Variants in CSMD3 observed in about 807,000 individuals in gnomAD.
CSMD3 encodes CUB and Sushi multiple domains 3.
CSMD3 carries 177 observed loss-of-function variants against 435.2 expected under a neutral mutation model. The ratio of observed to expected loss-of-function variants is 0.41; its 90% CI spans 0.36 to 0.46. The LOEUF (loss-of-function observed/expected upper bound fraction) is 0.46. Ranked by LOEUF, CSMD3 falls within the 20% of genes least tolerant of loss-of-function variation. The pLI is 0.34. For missense variants in CSMD3, 4,265 were observed against 4,504.6 expected (o/e 0.95, Z 1.52); for synonymous variants, 1,656 against 1,520.5 (o/e 1.09, Z -2.07).
chr8:112,545,761 A>G (rs1195645304), intron 27 of CSMD3, among the ~76,000 whole-genome samples: 1 of 152,108 alleles, frequency 6.6e-6, no homozygotes, highest in Non-Finnish European at 1.5e-5. Context: ...ATAATTACTG[A>G]GCACTGCAAA....
chr8:112,503,669 T>G (rs766988880), intron 30 of CSMD3, 121 bp downstream of exon 30: 3 of 678,688 alleles, frequency 4.4e-6, no homozygotes, highest in Non-Finnish European at 7.4e-6. Context: ...GAACTGTACA[T>G]AATCTGCATT....
At chr8:113,385,922 T>A (rs1197386647) in intron 1 of CSMD3, among the ~76,000 whole-genome samples, 1 of 152,092 alleles carries the variant, frequency 6.6e-6, no homozygotes, top group Admixed American at 6.6e-5. Context: ...GTCATTTTTA[T>A]ATGAAAATTA....
intron 10 of CSMD3, among the ~76,000 whole-genome samples, chr8:112,898,897 A>T (rs1044714847): frequency 1.8e-4 from 28 of 151,364 alleles, no homozygotes; most frequent in African/African-American, 5.1e-4. Flanking sequence ...CATAAAATTG[A>T]AACTTTGGTT....
intron 3 of CSMD3, among the ~76,000 whole-genome samples, chr8:113,195,585 T>A (rs2092642168): frequency 6.6e-6 from 1 of 150,402 alleles, no homozygotes; most frequent in African/African-American, 2.4e-5. Context: ...TTAACTCTAA[T>A]TTTGGGGATT....
intron 42 of CSMD3, 75 bp from the exon 43 acceptor site, chr8:112,337,806 T>C: frequency 8.7e-7 from 1 of 1,145,120 alleles, no homozygotes. Context: ...ACAGCAATTT[T>C]GCAACTTAAA....
intron 23 of CSMD3, among the ~76,000 whole-genome samples, chr8:112,585,242 T>G (rs1189767541): frequency 6.6e-6 from 1 of 151,626 alleles, no homozygotes; most frequent in Admixed American, 6.6e-5. Context: ...AATTGGTGTG[T>G]TTCTATTATA....
chr8:112,263,775 T>G lies in CSMD3; in HGVS notation c.9726A>C (p.Gly3242=). 1 of 1,613,868 alleles carries G rather than the reference T, an allele frequency of 6.2e-7. No homozygotes were observed. The highest frequency in any genetic ancestry group is 8.5e-7 in the Non-Finnish European group (1 of 1,179,808). Reference sequence around the variant, plus strand: ...AGTCGAAATTTGTTCCTTCCAGCCTTCCATTAGAGATCTGGGGAGGAGTTG... The same window carrying G: ...AGTCGAAATTTGTTCCTTCCAGCCTGCCATTAGAGATCTGGGGAGGAGTTG... ...TCPTPPQISN[G]RLEGTNFDWG... is the part of the protein sequence containing the mutation. Residue 3242 remains glycine (G), a synonymous_variant, in exon 61 of 71, where the codon GGA becomes GGC. Coordinates refer to ENST00000297405, the MANE Select transcript of CSMD3 (RefSeq NM_198123.2).
chr8:112,923,502 T>G (rs2082811222), intron 9 of CSMD3, among the ~76,000 whole-genome samples: 1 of 152,140 alleles, frequency 6.6e-6, no homozygotes, highest in African/African-American at 2.4e-5. Context: ...CACTTGCTGT[T>G]ATATCAATCT....
chr8:113,336,237 C>T (rs975005925), intron 1 of CSMD3, among the ~76,000 whole-genome samples: 5 of 151,144 alleles, frequency 3.3e-5, no homozygotes, highest in African/African-American at 7.3e-5. Flanking sequence ...ACTTATTATA[C>T]TTTTCGTAGA....
intron 19 of CSMD3, among the ~76,000 whole-genome samples, chr8:112,647,938 ATATGGTAAAAAC>A (rs1449326982): frequency 2.0e-5 from 3 of 152,340 alleles, no homozygotes; most frequent in Non-Finnish European, 4.4e-5. Flanking sequence ...CAGTATCAGC[ATATGGTAAAAAC>A]TCAATAAATA....
intron 18 of CSMD3, among the ~76,000 whole-genome samples, chr8:112,655,895 C>A (rs1327926167): frequency 1.3e-5 from 2 of 151,838 alleles, no homozygotes; most frequent in East Asian, 1.9e-4. Context: ...TGGTACAAAA[C>A]CTCATTTTCA....
chr8:113,210,457 TATC>T (rs1447789384), intron 3 of CSMD3, among the ~76,000 whole-genome samples: 7 of 151,928 alleles, frequency 4.6e-5, no homozygotes, highest in African/African-American at 1.7e-4. Flanking sequence ...ATACGAAAAA[TATC>T]AATAATAATA....
intron 38 of CSMD3, among the ~76,000 whole-genome samples, chr8:112,379,046 T>A (rs1390857568): frequency 6.6e-6 from 1 of 152,154 alleles, no homozygotes; most frequent in Non-Finnish European, 1.5e-5. Flanking sequence ...AGTTGTAATT[T>A]CTATATACTA....
chr8:113,117,921 T>C (rs2090883942), intron 4 of CSMD3, among the ~76,000 whole-genome samples: 1 of 152,222 alleles, frequency 6.6e-6, no homozygotes, highest in African/African-American at 2.4e-5. Context: ...CATTGTATAA[T>C]ATCTAGGAAG....
At chr8:112,438,614 C>T (rs1461834471) in intron 32 of CSMD3, among the ~76,000 whole-genome samples, 1 of 152,104 alleles carries the variant, frequency 6.6e-6, no homozygotes, top group East Asian at 1.9e-4. Context: ...AAAAACTCTA[C>T]TGGCTTTCAA....
intron 5 of CSMD3, among the ~76,000 whole-genome samples, chr8:113,088,469 A>C (rs537920470): frequency 6.7e-6 from 1 of 149,696 alleles, no homozygotes; most frequent in East Asian, 2.0e-4. Flanking sequence ...CCAAATGTCC[A>C]ACAATGATAG....
chr8:112,458,192 C>T (rs150615833), intron 32 of CSMD3, among the ~76,000 whole-genome samples: 13 of 150,126 alleles, frequency 8.7e-5, no homozygotes, highest in South Asian at 4.3e-4. Context: ...CCTTCAAATA[C>T]GTACACACAC....
At chr8:113,130,382 G>A (rs1054196561) in intron 4 of CSMD3, among the ~76,000 whole-genome samples, 10 of 152,002 alleles carry the variant, frequency 6.6e-5, no homozygotes, top group Admixed American at 1.3e-4. Flanking sequence ...TTCTCATGAC[G>A]GTAAGTGAGT....
chr8:112,409,175 A>C, intron 32 of CSMD3, 143 bp from the exon 33 acceptor site: 1 of 1,453,332 alleles, frequency 6.9e-7, no homozygotes, highest in Non-Finnish European at 9.3e-7. Flanking sequence ...AAAAGAGGAT[A>C]GGTGCCAATT....
Sources: gnomAD v4.1 joint callset for allele counts (sites outside exome capture counted in the v4.1 genomes callset) on GRCh38, gnomAD v4.1.1 for gene constraint, MANE v1.5 for transcripts, NCBI Gene and HGNC (gene_info 2026-07-23, HGNC 2026-07-21) for gene names.